Variants in SLC35F4 observed in about 807,000 individuals in gnomAD.
SLC35F4 encodes solute carrier family 35 member F4.
A neutral mutation model predicts 44.2 loss-of-function variants in SLC35F4; 24 were observed. The ratio of observed to expected loss-of-function variants is 0.54; its 90% CI spans 0.39 to 0.76. SLC35F4 has a LOEUF of 0.76. SLC35F4 is among the 30% of genes least tolerant of loss of function. The pLI is 0.00. For synonymous variants in SLC35F4, 238 were observed against 223.6 expected, an observed-to-expected ratio of 1.06 and a Z score of -0.57; for missense variants, 562 against 586.1, an observed-to-expected ratio of 0.96 and a Z score of 0.42.
chr14:57,713,732 C>T (rs1047025794), intron 1 of SLC35F4, among the ~76,000 whole-genome samples: 8 of 152,194 alleles, frequency 5.3e-5, no homozygotes, highest in East Asian at 1.9e-4. Context: ...ACCTAGGGTA[C>T]GTGCTCAATG....
chr14:57,730,070 T>C (rs549765628), intron 1 of SLC35F4, among the ~76,000 whole-genome samples: 56 of 152,334 alleles, frequency 3.7e-4, no homozygotes, highest in African/African-American at 1.3e-3. Context: ...CTGCACTGCA[T>C]GGTGGCTGCT....
chr14:57,811,949 T>C (rs1007752592), intron 1 of SLC35F4, among the ~76,000 whole-genome samples: 1 of 152,112 alleles, frequency 6.6e-6, no homozygotes, highest in Admixed American at 6.6e-5. Context: ...GCCACTGCAC[T>C]CCAGCCTGGG....
intron 1 of SLC35F4, among the ~76,000 whole-genome samples, chr14:57,648,542 A>G (rs955358378): frequency 6.6e-6 from 1 of 152,208 alleles, no homozygotes; most frequent in Non-Finnish European, 1.5e-5. Context: ...ACATGCAGTG[A>G]ATTACTAGTG....
chr14:57,658,837 T>C (rs531866316), intron 1 of SLC35F4, among the ~76,000 whole-genome samples: 3 of 152,304 alleles, frequency 2.0e-5, no homozygotes, highest in South Asian at 4.1e-4. Context: ...ATGGAAAATA[T>C]ATATTTCTAG....
intron 1 of SLC35F4, among the ~76,000 whole-genome samples, chr14:57,936,515 TC>T (rs1262097617): frequency 6.6e-6 from 1 of 152,090 alleles, no homozygotes; most frequent in Non-Finnish European, 1.5e-5. Context: ...TGAGTCTCTC[TC>T]CCCCCAGGGA....
At chr14:57,762,029 G>A (rs1566831147) in intron 1 of SLC35F4, among the ~76,000 whole-genome samples, 2 of 152,112 alleles carry the variant, frequency 1.3e-5, no homozygotes, top group Non-Finnish European at 1.5e-5. Flanking sequence ...ACATTCCATA[G>A]GTCACAGCTG....
intron 1 of SLC35F4, among the ~76,000 whole-genome samples, chr14:57,604,862 A>T (rs934897407): frequency 6.6e-6 from 1 of 152,150 alleles, no homozygotes; most frequent in Non-Finnish European, 1.5e-5. Context: ...GGGGGAAAGG[A>T]TCCCTATTCA....
At chr14:57,967,844 T>C (rs1442373626) in intron 1 of SLC35F4, among the ~76,000 whole-genome samples, 1 of 152,160 alleles carries the variant, frequency 6.6e-6, no homozygotes, top group African/African-American at 2.4e-5. Flanking sequence ...CTTCCCAAAT[T>C]CATGCAAAGA....
intron 1 of SLC35F4, among the ~76,000 whole-genome samples, chr14:57,722,101 A>G (rs376516360): frequency 2.8e-4 from 42 of 152,312 alleles, no homozygotes; most frequent in African/African-American, 1.0e-3. Context: ...AGCAATCTGG[A>G]GAGCAGGGAT....
At chr14:57,874,867 CTATTTTCCAAAGT>C (rs1159695199) in intron 1 of SLC35F4, among the ~76,000 whole-genome samples, 1 of 152,096 alleles carries the variant, frequency 6.6e-6, no homozygotes, top group Non-Finnish European at 1.5e-5. Flanking sequence ...AAGACGATGT[CTATTTTCCAAAGT>C]TTGTGTGAGT....
At chr14:57,968,237 C>T (rs1880945343) in intron 1 of SLC35F4, among the ~76,000 whole-genome samples, 1 of 152,172 alleles carries the variant, frequency 6.6e-6, no homozygotes, top group African/African-American at 2.4e-5. Flanking sequence ...AAAGTTATTT[C>T]ACAAGTAAAA....
chr14:57,781,447 G>A (rs2077618569), intron 1 of SLC35F4, among the ~76,000 whole-genome samples: 1 of 152,056 alleles, frequency 6.6e-6, no homozygotes, highest in African/African-American at 2.4e-5. Context: ...GAAGGGGAAT[G>A]TTTATACACT....
chr14:57,588,726 G>A (rs567483552), intron 3 of SLC35F4, among the ~76,000 whole-genome samples: 2 of 152,292 alleles, frequency 1.3e-5, no homozygotes, highest in African/African-American at 4.8e-5. Flanking sequence ...ATCAGGCCAT[G>A]TCATCTGCTA....
At chr14:57,773,551 G>A (rs2077418138) in intron 1 of SLC35F4, among the ~76,000 whole-genome samples, 1 of 152,060 alleles carries the variant, frequency 6.6e-6, no homozygotes, top group South Asian at 2.1e-4. Flanking sequence ...GGGAAAATTA[G>A]CCTACTATAT....
Position 57,566,539 on chromosome 14 carries a change from C to A in SLC35F4, c.1152G>T (p.Gly384=). The change falls in exon 7 of 8, where the codon GGG becomes GGT. Residue 384 remains glycine (G), a synonymous_variant. Coordinates refer to ENST00000556826, the MANE Select transcript of SLC35F4 (RefSeq NM_001306087.2). The stretch of plus-strand genomic sequence containing the variant: ...TTAGGATTGGGTATGTCAGCACCAC[C>A]CCAACATTCACCAGGATGTTGAAGG... ...WLAFNILVNV[G]VVLTYPILIS... 6.2e-7 allele frequency: 1 copy of A among 1,602,186 alleles called. No homozygotes were observed. The highest frequency in any genetic ancestry group is 8.5e-7 in the Non-Finnish European group (1 of 1,174,488).
chr14:57,638,317 G>A (rs2073092525), intron 1 of SLC35F4, among the ~76,000 whole-genome samples: 1 of 152,128 alleles, frequency 6.6e-6, no homozygotes, highest in Admixed American at 6.6e-5. Context: ...GTGCCTTTAT[G>A]TCTCTGTGTC....
intron 1 of SLC35F4, among the ~76,000 whole-genome samples, chr14:57,880,046 A>G (rs377152306): frequency 4.3e-3 from 13 of 3,000 alleles, no homozygotes; most frequent in African/African-American, 0.012. Flanking sequence ...GGAAGGAAGG[A>G]AGGAAGGAAG....
chr14:57,714,795 T>A (rs2075898462), intron 1 of SLC35F4, among the ~76,000 whole-genome samples: 1 of 122,976 alleles, frequency 8.1e-6, no homozygotes, highest in African/African-American at 3.4e-5. Context: ...CTGGGTTTGG[T>A]ATAAGCCCAG....
intron 1 of SLC35F4, among the ~76,000 whole-genome samples, chr14:57,892,982 T>C (rs1176178082): frequency 6.6e-6 from 1 of 152,246 alleles, no homozygotes; most frequent in East Asian, 1.9e-4. Context: ...TATTACCCTA[T>C]TTCCTGCTTA....
Sources: allele counts gnomAD v4.1 joint callset (sites outside exome capture counted in the v4.1 genomes callset), GRCh38; gene constraint gnomAD v4.1.1; transcripts MANE v1.5; gene names NCBI Gene and HGNC (gene_info 2026-07-23, HGNC 2026-07-21).